The following PSMA8 variants were observed in gnomAD, a reference collection of about 807,000 sequenced individuals.
PSMA8 encodes proteasome 20S subunit alpha 8, also known as proteasome subunit alpha-type 8.
In PSMA8, 18 loss-of-function variants were observed where a neutral mutation model predicts 32.4. That is an observed-to-expected ratio of 0.56 (90% CI 0.38 to 0.82). The LOEUF is 0.82. PSMA8 is among the 40% of genes least tolerant of loss of function. The probability of loss-of-function intolerance (pLI) is 0.00; values close to 1 mark genes in which losing one functional copy is unlikely to be tolerated. For synonymous variants in PSMA8, 104 were observed against 98.1 expected, an observed-to-expected ratio of 1.06 and a Z score of -0.36; for missense variants, 298 against 300.7, an observed-to-expected ratio of 0.99 and a Z score of 0.07.
chr18:26,157,924 T>C (rs1299533592), intron 3 of PSMA8, among the ~76,000 whole-genome samples, 198 bp from the exon 4 acceptor site: 2 of 152,210 alleles, frequency 1.3e-5, no homozygotes, highest in African/African-American at 4.8e-5. Flanking sequence ...TCTGATTTTA[T>C]TGTATAGACT....
chr18:26,152,478 C>T (rs1034209868), intron 3 of PSMA8, among the ~76,000 whole-genome samples: 4 of 152,062 alleles, frequency 2.6e-5, no homozygotes, highest in Non-Finnish European at 5.9e-5. Context: ...GCATAAGCCA[C>T]CATGCCCAGC....
intron 1 of PSMA8, chr18:26,139,959 T>C: frequency 1.5e-6 from 1 of 679,622 alleles, no homozygotes; most frequent in Non-Finnish European, 2.7e-6. Flanking sequence ...CTCTTGTAGC[T>C]TACTGAGCTT....
chr18:26,140,068 C>T (rs954618543), intron 1 of PSMA8: 19 of 702,862 alleles, frequency 2.7e-5, no homozygotes, highest in Non-Finnish European at 4.7e-5. Context: ...TGATTGTTCA[C>T]GATTCTTGTG....
At chr18:26,172,468 C>G (rs1016773304) in intron 4 of PSMA8, among the ~76,000 whole-genome samples, 1 of 152,096 alleles carries the variant, frequency 6.6e-6, no homozygotes, top group African/African-American at 2.4e-5. Flanking sequence ...GACTTGCAGG[C>G]TATAATTTTC....
chr18:26,165,747 GA>G (rs1296538451), intron 4 of PSMA8, among the ~76,000 whole-genome samples: 13 of 152,080 alleles, frequency 8.5e-5, no homozygotes, highest in Non-Finnish European at 1.6e-4. Context: ...GATGGAATTA[GA>G]ATCTACCCAG....
At chr18:26,134,246 G>A (rs2054890104) in intron 1 of PSMA8, among the ~76,000 whole-genome samples, 179 bp downstream of exon 1, 1 of 151,974 alleles carries the variant, frequency 6.6e-6, no homozygotes, top group Non-Finnish European at 1.5e-5. Context: ...GCCGGAAGTG[G>A]GCAGAGTAAA....
chr18:26,160,762 C>T (rs1237575463), intron 4 of PSMA8, among the ~76,000 whole-genome samples: 2 of 152,264 alleles, frequency 1.3e-5, no homozygotes, highest in South Asian at 2.1e-4. Flanking sequence ...CATAAACTGT[C>T]GCCACATGGC....
intron 6 of PSMA8, among the ~76,000 whole-genome samples, chr18:26,189,676 A>G (rs2055386059): frequency 6.6e-6 from 1 of 152,196 alleles, no homozygotes; most frequent in Non-Finnish European, 1.5e-5. Flanking sequence ...AGAAAAGGGA[A>G]CCCTCATACA....
At position 26,183,146 on chromosome 18, in the gene PSMA8, C is replaced by G; in HGVS notation, c.660+4016C>G. Among the ~76,000 whole-genome samples, 2 of 150,016 alleles carry G rather than the reference C, an allele frequency of 1.3e-5. 1 individual carries two copies. Among genetic ancestry groups the G allele is most frequent in the Non-Finnish European group, 3.0e-5 (2 of 67,620 alleles). ...GTGGCTCATGCTTGTAATCCCAGCA[C>G]TTTGGGAGGCCAAGGTGGGTGGATT... On this transcript the variant is annotated intron_variant, in intron 6 of 6. Transcript: ENST00000415576.
At chr18:26,159,093 T>A (rs1305390381) in intron 4 of PSMA8, among the ~76,000 whole-genome samples, 1 of 152,096 alleles carries the variant, frequency 6.6e-6, no homozygotes, top group East Asian at 1.9e-4. Context: ...AAGACTACAC[T>A]ACAGAATCCA....
intron 6 of PSMA8, among the ~76,000 whole-genome samples, chr18:26,184,826 C>A (rs545350441): frequency 4.8e-5 from 7 of 145,938 alleles, no homozygotes; most frequent in African/African-American, 1.8e-4. Context: ...GTGGCTCATG[C>A]ATGTAATCCC....
intron 4 of PSMA8, 144 bp downstream of exon 4, chr18:26,158,388 A>G (rs2055108135): frequency 1.4e-6 from 1 of 697,860 alleles, no homozygotes; most frequent in Non-Finnish European, 2.3e-6. Flanking sequence ...GTCAGAAACT[A>G]CAATGATTTT....
In PSMA8 at chr18:26,186,654, CACTG is replaced by C. The variant is rs746235030; in HGVS notation, c.661-5661_661-5658del. 1.6e-4 allele frequency among the ~76,000 whole-genome samples: 24 copies of C among 152,250 alleles called. No homozygotes were observed. The East Asian group carries it at 4.2e-3, about 27-fold the overall frequency. ...AATTTTACATATGTACTTCTTAAAT[CACTG>C]ACTATGTGCTGAAATTTTAACACTT... On this transcript the variant is annotated intron_variant, in intron 6 of 6. Transcript: ENST00000415576.
intron 4 of PSMA8, 87 bp downstream of exon 4, chr18:26,158,331 T>A: frequency 9.3e-7 from 1 of 1,074,492 alleles, no homozygotes; most frequent in Non-Finnish European, 1.3e-6. Flanking sequence ...CATGAAAAAT[T>A]ATGTTGCATT....
intron 2 of PSMA8, 80 bp downstream of exon 2, chr18:26,144,765 G>T: frequency 7.5e-7 from 1 of 1,332,796 alleles, no homozygotes; most frequent in Non-Finnish European, 1.0e-6. Context: ...CTGCAGTTGT[G>T]CTATATTTAT....
rs1295274766 is a variant in PSMA8, at chr18:26,149,470, A to G, written c.230-2388A>G. ...ATTATGACATTCATATGGAATGACA[A>G]AACAATTTTGAAAGAGAAGAGCCAA... On this transcript the variant is annotated intron_variant, in intron 2 of 6. Coordinates refer to ENST00000415576, the MANE Select transcript of PSMA8 (RefSeq NM_001025096.2). Among the ~76,000 whole-genome samples, 3 of 152,362 alleles carry G rather than the reference A, an allele frequency of 2.0e-5. No homozygotes were observed. In the East Asian group the frequency reaches 5.8e-4, roughly 29 times the overall value.
At chr18:26,141,442 G>T (rs1300588557) in intron 1 of PSMA8, among the ~76,000 whole-genome samples, 4 of 151,962 alleles carry the variant, frequency 2.6e-5, no homozygotes, top group Admixed American at 1.3e-4. Flanking sequence ...AATTTAACTT[G>T]ATTTATTTCA....
chr18:26,180,487 G>T (rs2055301695), intron 6 of PSMA8, among the ~76,000 whole-genome samples: 1 of 152,022 alleles, frequency 6.6e-6, no homozygotes, highest in Non-Finnish European at 1.5e-5. Context: ...GAGAAATGGG[G>T]ACAAGACAGT....
intron 3 of PSMA8, among the ~76,000 whole-genome samples, chr18:26,155,959 A>G (rs1349150741): frequency 6.6e-6 from 1 of 152,248 alleles, no homozygotes; most frequent in Non-Finnish European, 1.5e-5. Flanking sequence ...TGAAAACCAA[A>G]CAAACCCAAA....
Sources: gnomAD v4.1 joint callset for allele counts (sites outside exome capture counted in the v4.1 genomes callset) on GRCh38, gnomAD v4.1.1 for gene constraint, MANE v1.5 for transcripts, NCBI Gene and HGNC (gene_info 2026-07-23, HGNC 2026-07-21) for gene names.